CASZ1: variants seen among roughly 807,000 people sequenced by gnomAD.
CASZ1 encodes the protein zinc finger protein castor homolog 1.
Under a neutral mutation model 135.2 loss-of-function variants are expected in CASZ1, and 28 were observed. The observed-to-expected ratio is 0.21, with a 90% CI of 0.15 to 0.28. The LOEUF is 0.28. Ranked by LOEUF, CASZ1 falls within the 10% of genes least tolerant of loss-of-function variation. The pLI is 1.00. For synonymous variants in CASZ1, 1,068 were observed against 1,073.4 expected (o/e 0.99, Z 0.10); for missense variants, 2,161 against 2,453.3 (o/e 0.88, Z 2.52).
chr1:10,739,957 G>A lies in CASZ1; in HGVS notation c.-77+20744C>T, dbSNP rs1296171989. Among the ~76,000 whole-genome samples, 2 of 152,178 alleles carry A rather than the reference G, an allele frequency of 1.3e-5. No individual in the cohort carries two copies. The highest frequency in any genetic ancestry group is 4.8e-5 in the African/African-American group (2 of 41,434). On this transcript the variant is annotated intron_variant, in intron 2 of 20. Coordinates refer to ENST00000377022, the MANE Select transcript of CASZ1 (RefSeq NM_001079843.3). The surrounding 1 kb of genome is among the most constrained non-coding windows in gnomAD (Gnocchi z 4.8). ...GGGACCACAGCCAACCCACCACACA[G>A]GTGGAGCCCATGGACAAGGTCTCAT...
rs1487934289 is a variant in CASZ1 at position 10,694,686 on chromosome 1, C to CCCCGCCGCGCGCCCCCGCCGCGCGCG, written c.-23-800_-23-775dup. The stretch of plus-strand genomic sequence containing the variant: ...TGAATGGGCTCGCGCTCGCTCGCGC[C>CCCCGCCGCGCGCCCCCGCCGCGCGCG]CCCGCCGCGCGCCCCCGCCGCGCGC... On this transcript the variant is annotated intron_variant, in intron 3 of 20. Coordinates refer to ENST00000377022, the MANE Select transcript of CASZ1 (RefSeq NM_001079843.3). This position sits in a 1 kb window ranked among gnomAD's most constrained non-coding sequence, Gnocchi z 6.6. Among the ~76,000 whole-genome samples, 123 of 121,488 alleles carry CCCCGCCGCGCGCCCCCGCCGCGCGCG rather than the reference C, an allele frequency of 1.0e-3. 1 individual carries two copies. Among genetic ancestry groups the CCCCGCCGCGCGCCCCCGCCGCGCGCG allele is most frequent in the African/African-American group, 4.4e-3 (115 of 25,870 alleles). 79.7% of individuals were successfully genotyped at this position (121,488 alleles called of 152,430 possible). A position where few individuals can be genotyped will look rare whatever the true frequency, so the allele number is the denominator to read the frequency against.
In CASZ1 at chr1:10,691,356, C is replaced by G. The variant is rs958215365; in HGVS notation, c.16+2518G>C. Among the ~76,000 whole-genome samples, 7 of 152,162 alleles carry G rather than the reference C, an allele frequency of 4.6e-5. 1 individual carries two copies. The highest frequency in any genetic ancestry group is 2.0e-4 in the Admixed American group (3 of 15,280). ...GTGGGGGAAAGGGGGTCCACATGGC[C>G]CCTGAGGGTCCTGAGGTCCTTCTGT... On this transcript the variant is annotated intron_variant, in intron 4 of 20. Coordinates refer to ENST00000377022, the MANE Select transcript of CASZ1 (RefSeq NM_001079843.3).
chr1:10,711,513 C>G lies in CASZ1; in HGVS notation c.-76-5969G>C, dbSNP rs1416824036. On this transcript the variant is annotated intron_variant, in intron 2 of 20. Coordinates refer to ENST00000377022, the MANE Select transcript of CASZ1 (RefSeq NM_001079843.3). This position sits in a 1 kb window ranked among gnomAD's most constrained non-coding sequence, Gnocchi z 4.4. Reference sequence around the variant, plus strand: ...TCTTATTAGTTTCCAGGGTCCCTGCCTTTAAGAAGCTAGGAGAGATGGTGC... The same window carrying G: ...TCTTATTAGTTTCCAGGGTCCCTGCGTTTAAGAAGCTAGGAGAGATGGTGC... 2.0e-5 allele frequency among the ~76,000 whole-genome samples: 3 copies of G among 150,798 alleles called. No individual in the cohort carries two copies. Among genetic ancestry groups the G allele is most frequent in the African/African-American group, 7.3e-5 (3 of 40,854 alleles).
rs775012999 is a variant in CASZ1 at position 10,645,094 on chromosome 1, G to A, written c.3697-6C>T. 7 of 1,612,776 alleles carry A rather than the reference G, an allele frequency of 4.3e-6. No individual in the cohort carries two copies. The highest frequency in any genetic ancestry group is 5.9e-6 in the Non-Finnish European group (7 of 1,179,496). On this transcript the variant is annotated splice_polypyrimidine_tract_variant and splice_region_variant and intron_variant, in intron 17 of 20. Coordinates refer to ENST00000377022, the MANE Select transcript of CASZ1 (RefSeq NM_001079843.3). Reference sequence around the variant, plus strand: ...CGCATTCGGAACTCGCAGTGCTGCAGGGAGACACGGGAGGGTCAGGACAGG... The same window carrying A: ...CGCATTCGGAACTCGCAGTGCTGCAAGGAGACACGGGAGGGTCAGGACAGG...
intron 1 of CASZ1, among the ~76,000 whole-genome samples, chr1:10,761,458 G>A (rs1230080275): frequency 6.6e-6 from 1 of 152,090 alleles, no homozygotes; most frequent in African/African-American, 2.4e-5. Context: ...TGGTACTGTG[G>A]GACTCAATTT....
At chr1:10,753,913 C>T (rs1640196623) in intron 2 of CASZ1, among the ~76,000 whole-genome samples, 1 of 152,184 alleles carries the variant, frequency 6.6e-6, no homozygotes, top group African/African-American at 2.4e-5. Flanking sequence ...TGGGTAAAAG[C>T]CAGAGTTCTC....
chr1:10,644,423 ACC>A, intron 18 of CASZ1, among the ~76,000 whole-genome samples: 1 of 149,516 alleles, frequency 6.7e-6, no homozygotes, highest in Non-Finnish European at 1.5e-5. Context: ...CACTGTCACC[ACC>A]CCCACCCCTG....
At chr1:10,668,006 G>C in intron 4 of CASZ1, among the ~76,000 whole-genome samples, 1 of 152,082 alleles carries the variant, frequency 6.6e-6, no homozygotes, top group Admixed American at 6.5e-5. Flanking sequence ...CAGCTGCCGC[G>C]CTGCCCCAGC....
intron 2 of CASZ1, among the ~76,000 whole-genome samples, chr1:10,710,182 C>A (rs537499634): frequency 2.6e-5 from 4 of 152,324 alleles, no homozygotes; most frequent in Non-Finnish European, 5.9e-5. Flanking sequence ...ACTTGACCCT[C>A]CACCCTGAGG....
At chr1:10,689,040 G>A (rs1462420007) in intron 4 of CASZ1, among the ~76,000 whole-genome samples, 2 of 152,206 alleles carry the variant, frequency 1.3e-5, no homozygotes, top group Non-Finnish European at 2.9e-5. Flanking sequence ...TGGTCAGGGT[G>A]TAAAAATCAG....
intron 4 of CASZ1, among the ~76,000 whole-genome samples, chr1:10,669,331 C>T (rs865917801): frequency 2.0e-5 from 3 of 152,244 alleles, no homozygotes; most frequent in South Asian, 2.1e-4. Context: ...TCCCCTGCCC[C>T]GTCCCCTCCT....
rs780938795 is a variant in CASZ1 at position 10,658,566 on chromosome 1, G to A, written c.1351C>T (p.Pro451Ser). ...GTVSTVKNGL[P>S]TDKPAVTEDV... ...TCAGTGACGGCTGGTTTATCTGTGG[G>A]CAGTCCGTTCCTGGCAAGAGACACA... The change falls in exon 7 of 21, where the codon CCC (proline) becomes TCC (serine). Residue 451 changes from proline (P) to serine (S), a missense_variant. Pro to Ser is a moderately conservative substitution (Grantham distance 74, BLOSUM62 -1). Around this residue, in one of 7 missense-constraint regions of CASZ1, gnomAD observed 248 missense variants for 410.8 expected, o/e 0.60. Coordinates refer to ENST00000377022, the MANE Select transcript of CASZ1 (RefSeq NM_001079843.3). 4 of 1,613,946 alleles carry A rather than the reference G, an allele frequency of 2.5e-6. No homozygotes were observed. In the Admixed American group the frequency reaches 6.7e-5, roughly 27 times the overall value.
intron 3 of CASZ1, among the ~76,000 whole-genome samples, chr1:10,703,818 G>T (rs1250787228): frequency 1.3e-5 from 2 of 152,338 alleles, no homozygotes; most frequent in East Asian, 1.9e-4. Context: ...AACTCTCTCT[G>T]CAAGTATAGA....
At chr1:10,787,965 A>G (rs1215338348) in intron 1 of CASZ1, among the ~76,000 whole-genome samples, 1 of 152,180 alleles carries the variant, frequency 6.6e-6, no homozygotes, top group Admixed American at 6.5e-5. Flanking sequence ...TAAAACTATG[A>G]TAAGTCCAAC....
Position 10,645,053 on chromosome 1 carries a change from G to A in CASZ1, c.3732C>T (p.Cys1244=), listed in dbSNP as rs4845941. 0.023 allele frequency: 36,875 copies of A among 1,614,002 alleles called. 665 individuals carry two copies. Among genetic ancestry groups the A allele is most frequent in the African/African-American group, 0.045 (3,401 of 75,064 alleles). Residue 1244 remains cysteine (C), a synonymous_variant, in exon 18 of 21, where the codon TGC becomes TGT. Transcript: ENST00000377022. ...TCACAAAATAGCAGCCGGTGCGGAGGCAGTGGTAGTGCCCACGCATTCGGA... is the reference window on the plus strand; with the variant it reads ...TCACAAAATAGCAGCCGGTGCGGAGACAGTGGTAGTGCCCACGCATTCGGA... ...CEFRMRGHYH[C]LRTGCYFVTN...
intron 1 of CASZ1, among the ~76,000 whole-genome samples, chr1:10,775,008 G>A (rs1037703189): frequency 2.6e-5 from 4 of 151,860 alleles, no homozygotes; most frequent in Non-Finnish European, 1.5e-5. Context: ...AGAATACACC[G>A]AGAAAACCTC....
chr1:10,700,449 G>A lies in CASZ1; in HGVS notation c.-24+5043C>T, dbSNP rs1472832010. On this transcript the variant is annotated intron_variant, in intron 3 of 20. Coordinates refer to ENST00000377022, the MANE Select transcript of CASZ1 (RefSeq NM_001079843.3). The surrounding 1 kb of genome is among the most constrained non-coding windows in gnomAD (Gnocchi z 4.2). ...AGGTTTTCTATGTGGAGCTGCCAGC[G>A]TACTTGGGGAGAAGACACGTGTGCT... Among the ~76,000 whole-genome samples the A allele has an allele frequency of 3.9e-5, 6 of 152,176 alleles. No homozygotes were observed. Among genetic ancestry groups the A allele is most frequent in the East Asian group, 1.9e-4 (1 of 5,188 alleles).
intron 2 of CASZ1, among the ~76,000 whole-genome samples, chr1:10,758,195 G>A (rs762754592): frequency 2.5e-4 from 38 of 152,098 alleles, no homozygotes; most frequent in Non-Finnish European, 2.4e-4. Context: ...CTCTGCTGGC[G>A]TCTTCCTTTT....
chr1:10,639,318 G>A lies in CASZ1; in HGVS notation c.4904C>T (p.Ala1635Val), dbSNP rs1345434780. The stretch of plus-strand genomic sequence containing the variant: ...CAGCGCCAGGCCCAGGCCGGCGGCC[G>A]CCGACTGCAGGAAGAGCAGCGAGCC... ...EPGSLLFLQS[A>V]AAGLGLALGD... The change falls in exon 21 of 21, where the codon GCG becomes GTG. Residue 1635 changes from alanine (A) to valine (V), a missense_variant. Physicochemically the swap from Ala to Val is moderately conservative, Grantham distance 64. Transcript: ENST00000377022. This position sits in a 1 kb window ranked among gnomAD's most constrained non-coding sequence, Gnocchi z 4.0. 1.0e-5 allele frequency: 15 copies of A among 1,442,470 alleles called. No homozygotes were observed. The highest frequency in any genetic ancestry group is 1.4e-5 in the South Asian group (1 of 71,214). The allele number at this position is 1,442,470 out of a possible 1,614,324, so 89.4% of individuals were successfully genotyped here.
Sources: allele counts gnomAD v4.1 joint callset (sites outside exome capture counted in the v4.1 genomes callset), GRCh38; gene constraint gnomAD v4.1.1; regional missense constraint gnomAD v4.1.1; non-coding constraint Gnocchi (gnomAD v3.1); transcripts MANE v1.5; gene names NCBI Gene and HGNC (gene_info 2026-07-23, HGNC 2026-07-21).